The following SNAP91 variants were observed in gnomAD, a reference collection of about 807,000 sequenced individuals.
SNAP91 encodes the protein synaptosome associated protein 91.
In SNAP91, 27 loss-of-function variants were observed where a neutral mutation model predicts 100.3. The observed-to-expected ratio is 0.27, with a 90% confidence interval of 0.20 to 0.37. SNAP91 has a LOEUF of 0.37. Ranked by LOEUF, SNAP91 falls within the 10% of genes least tolerant of loss-of-function variation. The pLI is 1.00. For synonymous variants in SNAP91, 404 were observed against 398.6 expected (o/e 1.01, Z -0.16); for missense variants, 986 against 1,123.7 (o/e 0.88, Z 1.75).
intron 2 of SNAP91, chr6:83,678,964 A>G: frequency 3.1e-6 from 3 of 961,964 alleles, no homozygotes; most frequent in Non-Finnish European, 2.6e-6. Flanking sequence ...AAAAAAATAC[A>G]GCTGGCCTTC....
intron 13 of SNAP91, among the ~76,000 whole-genome samples, chr6:83,607,038 T>C (rs1022729670): frequency 2.0e-5 from 3 of 152,182 alleles, no homozygotes; most frequent in African/African-American, 7.2e-5. Flanking sequence ...ACATAGGGCA[T>C]TCATAATCAG....
chr6:83,678,690 AC>A, intron 2 of SNAP91: 1 of 1,166,702 alleles, frequency 8.6e-7, no homozygotes, highest in Non-Finnish European at 1.1e-6. Flanking sequence ...CTAACCTTCT[AC>A]CTTCCACTCC....
At chr6:83,699,142 AC>A (rs2099260174) in intron 2 of SNAP91, among the ~76,000 whole-genome samples, 1 of 152,182 alleles carries the variant, frequency 6.6e-6, no homozygotes, top group African/African-American at 2.4e-5. Flanking sequence ...TAGGATTCCC[AC>A]AAATGAAGTA....
chr6:83,668,237 G>A (rs217301), intron 2 of SNAP91, among the ~76,000 whole-genome samples: 55,561 of 152,002 alleles, frequency 0.37, 10,969 homozygotes, highest in South Asian at 0.5. Context: ...TGATGGGACT[G>A]TAAACTAGTT....
intron 8 of SNAP91, among the ~76,000 whole-genome samples, chr6:83,640,097 G>T (rs1471873790): frequency 6.6e-6 from 1 of 151,996 alleles, no homozygotes; most frequent in African/African-American, 2.4e-5. Context: ...ATTTAAAAAA[G>T]ATTTTTATTC....
chr6:83,574,405 TAC>T (rs1468157353), intron 26 of SNAP91, among the ~76,000 whole-genome samples: 2 of 152,280 alleles, frequency 1.3e-5, no homozygotes, highest in East Asian at 3.9e-4. Context: ...AAATTTAAAA[TAC>T]AGACATGAAA....
rs1773374017 is a variant in SNAP91, at chr6:83,553,030, T to A, written c.*1266A>T. 6.6e-6 allele frequency: 1 copy of A among 152,592 alleles called. No individual in the cohort carries two copies. The highest frequency in any genetic ancestry group is 1.5e-5 in the Non-Finnish European group (1 of 68,032). The allele number at this position is 152,592 out of a possible 1,614,324, so 9.5% of individuals were successfully genotyped here. A position where few individuals can be genotyped will look rare whatever the true frequency, so the allele number is the denominator to read the frequency against. On this transcript the variant is annotated 3_prime_UTR_variant, in exon 30 of 30. Coordinates refer to ENST00000369694, the MANE Select transcript of SNAP91 (RefSeq NM_001242792.2). The stretch of plus-strand genomic sequence containing the variant: ...CAGTGTATGTTATCCCCACAGTAAA[T>A]TCAGATACAACCACTTTTAAATGGT...
chr6:83,639,627 T>C (rs1585105744), intron 8 of SNAP91, among the ~76,000 whole-genome samples: 2 of 152,130 alleles, frequency 1.3e-5, no homozygotes, highest in African/African-American at 4.8e-5. Flanking sequence ...AAAAGTAAAA[T>C]TTTACATGTT....
At chr6:83,687,562 T>C (rs918891339) in intron 2 of SNAP91, among the ~76,000 whole-genome samples, 3 of 152,202 alleles carry the variant, frequency 2.0e-5, no homozygotes, top group African/African-American at 7.2e-5. Flanking sequence ...TATCCAGATA[T>C]TTGGGAAGGC....
Position 83,583,582 on chromosome 6 carries a change from A to G in SNAP91, c.2015-1226T>C, listed in dbSNP as rs113187963. Among the ~76,000 whole-genome samples, 698 of 152,302 alleles carry G rather than the reference A, an allele frequency of 4.6e-3. 6 individuals carry two copies. Among genetic ancestry groups the G allele is most frequent in the African/African-American group, 0.016 (669 of 41,556 alleles). ...ACAAAAATATACAGCCTCTGAAGGA[A>G]GTGATTTCTTAACAAGACACTGGAT... On this transcript the variant is annotated intron_variant, in intron 22 of 29. Coordinates refer to ENST00000369694, the MANE Select transcript of SNAP91 (RefSeq NM_001242792.2).
intron 13 of SNAP91, among the ~76,000 whole-genome samples, chr6:83,606,055 A>G (rs1442071571): frequency 6.6e-6 from 1 of 152,230 alleles, no homozygotes; most frequent in Non-Finnish European, 1.5e-5. Flanking sequence ...CTGCTAATGT[A>G]GAATGAAATT....
intron 7 of SNAP91, among the ~76,000 whole-genome samples, chr6:83,646,676 G>C (rs2097928733): frequency 6.6e-6 from 1 of 152,026 alleles, no homozygotes; most frequent in Admixed American, 6.6e-5. Context: ...TATTGTGTTG[G>C]CTATTCTGGG....
At position 83,605,752 on chromosome 6, in the gene SNAP91, A is replaced by G. The variant is rs1202081964; in HGVS notation, c.1074T>C (p.Ser358=). 6.4e-7 allele frequency: 1 copy of G among 1,553,462 alleles called. No homozygotes were observed. Among genetic ancestry groups the G allele is most frequent in the South Asian group, 1.2e-5 (1 of 84,134 alleles). ...DLLDLQPDFS[S]GGAAAAAAPA... ...GTGCTGCGGCTGCTGCTGCCCCTCC[A>G]GAGGAAAAGTCTGGCTGGAGGTCCA... The change falls in exon 14 of 30, where the codon TCT becomes TCC. Residue 358 remains serine (S), a synonymous_variant. Transcript: ENST00000369694.
chr6:83,697,912 A>C (rs1275350920), intron 2 of SNAP91, among the ~76,000 whole-genome samples: 2 of 152,146 alleles, frequency 1.3e-5, no homozygotes, highest in African/African-American at 4.8e-5. Flanking sequence ...TCTCAAAGAA[A>C]CTACAGACTA....
intron 28 of SNAP91, 73 bp downstream of exon 28, chr6:83,560,031 A>C: frequency 3.8e-6 from 5 of 1,300,524 alleles, no homozygotes; most frequent in Non-Finnish European, 5.6e-6. Context: ...AACACTTTTT[A>C]AACAGTTTGC....
intron 14 of SNAP91, among the ~76,000 whole-genome samples, chr6:83,605,237 A>T (rs966017734): frequency 3.3e-5 from 5 of 152,244 alleles, no homozygotes; most frequent in Admixed American, 2.6e-4. Flanking sequence ...ATACAATGTG[A>T]ATAAAATCAA....
intron 2 of SNAP91, among the ~76,000 whole-genome samples, chr6:83,667,740 A>T (rs1045555604): frequency 2.0e-5 from 3 of 152,022 alleles, no homozygotes; most frequent in Non-Finnish European, 4.4e-5. Flanking sequence ...GCACCCATTA[A>T]CTCGTCATGT....
Position 83,601,406 on chromosome 6 carries a change from CAGAGGGA to C in SNAP91, c.1182_1188del (p.Pro395LysfsTer71). The C allele has an allele frequency of 6.2e-7, 1 of 1,613,518 alleles. No individual in the cohort carries two copies. The highest frequency in any genetic ancestry group is 8.5e-7 in the Non-Finnish European group (1 of 1,179,750). On this transcript the variant is annotated frameshift_variant, in exon 16 of 30. Transcript: ENST00000369694. LOFTEE classifies it high-confidence loss of function. ...GCAAATGGATCTGAAATCTGTGCTT[CAGAGGGA>C]ACAGAGGAAAGTGCAGCCAAAGAAT...
chr6:83,606,119 T>C (rs2095597781), intron 13 of SNAP91, among the ~76,000 whole-genome samples: 1 of 152,188 alleles, frequency 6.6e-6, no homozygotes, highest in Admixed American at 6.5e-5. Context: ...AATAAAACTT[T>C]ATTTACAAAA....
Sources: allele counts gnomAD v4.1 joint callset (sites outside exome capture counted in the v4.1 genomes callset), GRCh38; gene constraint gnomAD v4.1.1; transcripts MANE v1.5; gene names NCBI Gene and HGNC (gene_info 2026-07-23, HGNC 2026-07-21).